TSR3: variants seen among roughly 807,000 people sequenced by gnomAD.
TSR3 encodes the protein 18S rRNA aminocarboxypropyltransferase.
A neutral mutation model predicts 28.1 loss-of-function variants in TSR3; 31 were observed. The ratio of observed to expected loss-of-function variants is 1.10; its 90% CI spans 0.83 to 1.49. The LOEUF (loss-of-function observed/expected upper bound fraction) is 1.49. TSR3 is among the 40% of genes most tolerant of loss of function. TSR3 has a pLI of 0.00. For missense variants in TSR3, 511 were observed against 444.0 expected (o/e 1.15, Z -1.36); for synonymous variants, 219 against 197.2 (o/e 1.11, Z -0.93).
rs1567178757 is a variant in TSR3, at chr16:1,350,845, G to T, written c.488C>A (p.Ser163Tyr). 1 of 1,613,054 alleles carries T rather than the reference G, an allele frequency of 6.2e-7. No individual in the cohort carries two copies. The highest frequency in any genetic ancestry group is 2.2e-5 in the East Asian group (1 of 44,890). The change falls in exon 3 of 6, where the codon TCC becomes TAC. Residue 163 changes from serine (S) to tyrosine (Y), a missense_variant. Coordinates refer to ENST00000007390, the MANE Select transcript of TSR3 (RefSeq NM_001001410.3). ...GGTGGCAGCAAACGCTTCCACGCAG[G>T]AAAGTCTGTAGGGCCGGCCATAGTT... ...PVNYGRPYRL[S>Y]CVEAFAATFC... is the part of the protein sequence containing the mutation.
chr16:1,350,952 G>A lies in TSR3; in HGVS notation c.381C>T (p.Ala127=). 1 of 1,612,744 alleles carries A rather than the reference G, an allele frequency of 6.2e-7. No homozygotes were observed. The change falls in exon 3 of 6, where the codon GCC becomes GCT. Residue 127 remains alanine, a synonymous_variant. Transcript: ENST00000007390. ...SGVAVIDCSW[A]RLDETPFGKM... The stretch of plus-strand genomic sequence containing the variant: ...TCCCAAACGGTGTCTCGTCCAGCCT[G>A]GCCCAGGAGCAGTCGATGACGGCGA...
At position 1,351,538 on chromosome 16, in the gene TSR3, C is replaced by T. The variant is rs2034680701; in HGVS notation, c.173G>A (p.Cys58Tyr). The T allele has an allele frequency of 2.0e-6, 3 of 1,482,174 alleles. No individual in the cohort carries two copies. The highest frequency in any genetic ancestry group is 1.3e-5 in the South Asian group (1 of 78,056). The allele number at this position is 1,482,174 out of a possible 1,614,324, so 91.8% of individuals were successfully genotyped here. The stretch of plus-strand genomic sequence containing the variant: ...GCCCAACTCCCACATGGCCAGCGTG[C>T]AGGGCAGCGCCGCCGGGCCCGGGCC... ...EGGPGPAALP[C>Y]TLAMWELGHC... Residue 58 changes from cysteine to tyrosine, a missense_variant, in exon 2 of 6, where the codon TGC becomes TAC. Coordinates refer to ENST00000007390, the MANE Select transcript of TSR3 (RefSeq NM_001001410.3).
chr16:1,351,068 T>C, intron 2 of TSR3, 68 bp from the exon 3 acceptor site: 2 of 1,508,356 alleles, frequency 1.3e-6, no homozygotes, highest in South Asian at 1.2e-5. Context: ...CCCCGGAGAA[T>C]GGCCTAGCTA....
At position 1,350,214 on chromosome 16, in the gene TSR3, T is replaced by C; in HGVS notation, c.547A>G (p.Ile183Val). ...CIVGFPDLAV[I>V]LLRKFKWGKG... ...CCCCATTTAAACTTCCGCAGCAAAA[T>C]GACAGCAAGGTCTGGAAAGCCTGAC... Residue 183 changes from isoleucine to valine, a missense_variant, in exon 4 of 6, where the codon ATT becomes GTT. By Grantham distance (29) the Ile-to-Val change is conservative. Coordinates refer to ENST00000007390, the MANE Select transcript of TSR3 (RefSeq NM_001001410.3). 1 of 1,600,108 alleles carries C rather than the reference T, an allele frequency of 6.2e-7. No homozygotes were observed. The highest frequency in any genetic ancestry group is 2.2e-5 in the East Asian group (1 of 44,800).
intron 5 of TSR3, 47 bp downstream of exon 5, chr16:1,349,842 G>T: frequency 6.2e-7 from 1 of 1,604,880 alleles, no homozygotes; most frequent in South Asian, 1.1e-5. Context: ...AGAGGTAGAA[G>T]AGAGCCCTGG....
In TSR3 at chr16:1,351,848, G is replaced by A. The variant is rs1213798523; in HGVS notation, c.-44C>T. 7 of 1,275,600 alleles carry A rather than the reference G, an allele frequency of 5.5e-6. No homozygotes were observed. The highest frequency in any genetic ancestry group is 5.4e-5 in the South Asian group (2 of 36,832). The allele number at this position is 1,275,600 out of a possible 1,614,324, so 79.0% of individuals were successfully genotyped here. On this transcript the variant is annotated 5_prime_UTR_variant, in exon 1 of 6. Coordinates refer to ENST00000007390, the MANE Select transcript of TSR3 (RefSeq NM_001001410.3). ...CGGGGACTCCCCACCCCACGGCCGC[G>A]CCCCTCGGCCTCCCAATGGGCTGTG... is the stretch of plus-strand genomic sequence containing the variant.
chr16:1,351,294 C>T (rs1430922121), intron 2 of TSR3, 85 bp downstream of exon 2: 3 of 1,381,618 alleles, frequency 2.2e-6, no homozygotes, highest in Non-Finnish European at 2.9e-6. Context: ...GATGTGGGTG[C>T]GACATACAAG....
In TSR3 at chr16:1,351,794, C is replaced by T; in HGVS notation, c.11G>A (p.Arg4Lys). Residue 4 changes from arginine to lysine, a missense_variant, in exon 1 of 6, where the codon AGG becomes AAG. Transcript: ENST00000007390. ...CGCCCCCGGCCCGCGCGCTGCCCTC[C>T]TGCGGCCCATGGCGCGGACCTGGGG... MGR[R>K]RAARGPGAEG... is the part of the protein sequence containing the mutation. The T allele has an allele frequency of 2.3e-6, 3 of 1,330,620 alleles. No homozygotes were observed. Among genetic ancestry groups the T allele is most frequent in the Non-Finnish European group, 2.9e-6 (3 of 1,046,986 alleles). 82.4% of individuals were successfully genotyped at this position (1,330,620 alleles called of 1,614,324 possible).
In TSR3 at chr16:1,351,833, C is replaced by G; in HGVS notation, c.-29G>C. On this transcript the variant is annotated 5_prime_UTR_variant, in exon 1 of 6. Coordinates refer to ENST00000007390, the MANE Select transcript of TSR3 (RefSeq NM_001001410.3). Reference sequence around the variant, plus strand: ...GCGGACCTGGGGTGCCGGGGACTCCCCACCCCACGGCCGCGCCCCTCGGCC... The same window carrying G: ...GCGGACCTGGGGTGCCGGGGACTCCGCACCCCACGGCCGCGCCCCTCGGCC... 3.9e-6 allele frequency: 5 copies of G among 1,291,702 alleles called. No individual in the cohort carries two copies. Among genetic ancestry groups the G allele is most frequent in the Non-Finnish European group, 4.9e-6 (5 of 1,024,238 alleles). The allele number at this position is 1,291,702 out of a possible 1,614,324, so 80.0% of individuals were successfully genotyped here.
chr16:1,350,116 C>T lies in TSR3; in HGVS notation c.645G>A (p.Leu215=). Residue 215 remains leucine, a synonymous_variant, in exon 4 of 6, where the codon CTG becomes CTA. Coordinates refer to ENST00000007390, the MANE Select transcript of TSR3 (RefSeq NM_001001410.3). The part of the protein sequence containing the change: ...YAACGSPEEV[L]QAEQEFLANA... ...TGGCCAAGAACTCCTGCTCCGCCTG[C>T]AGCACCTCCTCCGGGCTGCCGCAGG... is the stretch of plus-strand genomic sequence containing the variant. 3 of 1,611,470 alleles carry T rather than the reference C, an allele frequency of 1.9e-6. No individual in the cohort carries two copies. Among genetic ancestry groups the T allele is most frequent in the Non-Finnish European group, 2.5e-6 (3 of 1,178,882 alleles).
Position 1,350,944 on chromosome 16 carries a change from T to C in TSR3, c.389A>G (p.Asp130Gly). 1 of 1,612,740 alleles carries C rather than the reference T, an allele frequency of 6.2e-7. No homozygotes were observed. Among genetic ancestry groups the C allele is most frequent in the South Asian group, 1.1e-5 (1 of 91,078 alleles). Residue 130 changes from aspartate to glycine, a missense_variant, in exon 3 of 6, where the codon GAC becomes GGC. Transcript: ENST00000007390. Reference protein sequence around the residue: ...AVIDCSWARLDETPFGKMRGS... With the variant: ...AVIDCSWARLGETPFGKMRGS... ...TCGCATCTTCCCAAACGGTGTCTCG[T>C]CCAGCCTGGCCCAGGAGCAGTCGAT... is the stretch of plus-strand genomic sequence containing the variant.
chr16:1,351,101 G>T, intron 2 of TSR3, 101 bp from the exon 3 acceptor site: 1 of 1,298,458 alleles, frequency 7.7e-7, no homozygotes, highest in East Asian at 2.5e-5. Flanking sequence ...ACATCATTCC[G>T]CCATCCCCAA....
At chr16:1,349,844 G>C (rs773573593) in intron 5 of TSR3, 45 bp downstream of exon 5, 30 of 1,607,280 alleles carry the variant, frequency 1.9e-5, no homozygotes, top group Non-Finnish European at 2.4e-5. Flanking sequence ...AGGTAGAAGA[G>C]AGCCCTGGGT....
In TSR3 at chr16:1,349,873, A is replaced by G; in HGVS notation, c.767+16T>C. 6.2e-7 allele frequency: 1 copy of G among 1,613,520 alleles called. No homozygotes were observed. Among genetic ancestry groups the G allele is most frequent in the Non-Finnish European group, 8.5e-7 (1 of 1,179,856 alleles). On this transcript the variant is annotated intron_variant, in intron 5 of 5. Coordinates refer to ENST00000007390, the MANE Select transcript of TSR3 (RefSeq NM_001001410.3). ...CCTGGGTCTGAGTGATCATGAAATT[A>G]AGCCCAAGGACCTACCGGGTGCTGG...
chr16:1,351,761 C>A lies in TSR3; in HGVS notation c.44G>T (p.Gly15Val), dbSNP rs932328410. Residue 15 changes from glycine to valine, a missense_variant, in exon 1 of 6, where the codon GGC (glycine) becomes GTC (valine). Physicochemically the swap from Gly to Val is moderately radical, Grantham distance 109. Transcript: ENST00000007390. ...GCGCGTCGGGAGGTGCCGAGGGCGG[C>A]CGCCTTCCGCCCCCGGCCCGCGCGC... is the stretch of plus-strand genomic sequence containing the variant. ...RAARGPGAEG[G>V]RPRHLPTRSL... 4 of 1,352,500 alleles carry A rather than the reference C, an allele frequency of 3.0e-6. No homozygotes were observed. The African/African-American group carries it at 4.6e-5, about 16-fold the overall frequency. The allele number at this position is 1,352,500 out of a possible 1,614,324, so 83.8% of individuals were successfully genotyped here.
intron 5 of TSR3, 33 bp from the exon 6 acceptor site, chr16:1,349,641 A>C: frequency 6.4e-7 from 1 of 1,560,926 alleles, no homozygotes; most frequent in Non-Finnish European, 8.7e-7. Flanking sequence ...TTCCCAAATG[A>C]CGTCCTCCCT....
At chr16:1,351,354 C>A in intron 2 of TSR3, 25 bp downstream of exon 2, 1 of 1,564,194 alleles carries the variant, frequency 6.4e-7, no homozygotes, top group Non-Finnish European at 8.6e-7. Flanking sequence ...ATGAAGACGA[C>A]CTCGGGCAGG....
intron 2 of TSR3, 138 bp from the exon 3 acceptor site, chr16:1,351,138 AG>A (rs1440293547): frequency 6.6e-6 from 7 of 1,053,132 alleles, no homozygotes; most frequent in Non-Finnish European, 5.4e-6. Flanking sequence ...TTCACGAGCA[AG>A]CTTTTGAGGC....
At chr16:1,351,296 A>G in intron 2 of TSR3, 83 bp downstream of exon 2, 1 of 1,398,354 alleles carries the variant, frequency 7.2e-7, no homozygotes, top group Non-Finnish European at 9.6e-7. Context: ...TGTGGGTGCG[A>G]CATACAAGTG....
Sources: gnomAD v4.1 joint callset for allele counts on GRCh38, gnomAD v4.1.1 for gene constraint, MANE v1.5 for transcripts, NCBI Gene and HGNC (gene_info 2026-07-23, HGNC 2026-07-21) for gene names.